MAGI2: variants seen among roughly 807,000 people sequenced by gnomAD.
MAGI2 encodes the protein membrane associated guanylate kinase, WW and PDZ domain containing 2.
A neutral mutation model predicts 133.3 loss-of-function variants in MAGI2; 35 were observed. The observed-to-expected ratio is 0.26, with a 90% CI of 0.20 to 0.35. The LOEUF is 0.35. Ranked by LOEUF, MAGI2 falls within the 10% of genes least tolerant of loss-of-function variation. The pLI is 1.00. For missense variants in MAGI2, 1,636 were observed against 1,863.4 expected, an observed-to-expected ratio of 0.88 and a Z score of 2.25; for synonymous variants, 729 against 710.6, an observed-to-expected ratio of 1.03 and a Z score of -0.41.
At chr7:78,622,019 T>G (rs931351873) in intron 3 of MAGI2, among the ~76,000 whole-genome samples, 1 of 152,042 alleles carries the variant, frequency 6.6e-6, no homozygotes, top group Non-Finnish European at 1.5e-5. Flanking sequence ...CAGCTTAAAC[T>G]AGACATTTTA....
intron 1 of MAGI2, among the ~76,000 whole-genome samples, chr7:79,243,586 A>G (rs1832586430): frequency 6.6e-6 from 1 of 152,200 alleles, no homozygotes. Flanking sequence ...AATGCTGGAA[A>G]AAAGAATTTT....
chr7:79,285,745 A>T (rs1023543010), intron 1 of MAGI2, among the ~76,000 whole-genome samples: 1 of 152,132 alleles, frequency 6.6e-6, no homozygotes. Context: ...ACAATGTTAG[A>T]GAAGAATGAA....
intron 2 of MAGI2, among the ~76,000 whole-genome samples, chr7:78,897,920 C>T (rs1230038400): frequency 6.6e-6 from 1 of 152,040 alleles, no homozygotes; most frequent in Non-Finnish European, 1.5e-5. Context: ...CAGGGTGGGA[C>T]AAAATATTTG....
intron 2 of MAGI2, among the ~76,000 whole-genome samples, chr7:78,718,093 C>A (rs1031078407): frequency 6.6e-6 from 1 of 152,134 alleles, no homozygotes; most frequent in African/African-American, 2.4e-5. Flanking sequence ...TATTAGAGCA[C>A]CAGCTAATTC....
intron 3 of MAGI2, among the ~76,000 whole-genome samples, chr7:78,526,330 C>T (rs6956948): frequency 0.037 from 5,678 of 152,216 alleles, 176 homozygotes; most frequent in African/African-American, 0.072. Context: ...AATTTTTTTC[C>T]ATCCAGTCCT....
chr7:78,938,817 T>C (rs1446763347), intron 2 of MAGI2, among the ~76,000 whole-genome samples: 1 of 152,176 alleles, frequency 6.6e-6, no homozygotes, highest in Non-Finnish European at 1.5e-5. Flanking sequence ...ACATTGTCTT[T>C]GCCTTTATTG....
rs756797155 is a variant in MAGI2, at chr7:78,489,754, A to T, written c.1045+7T>A. The T allele has an allele frequency of 6.2e-7, 1 of 1,605,538 alleles. No individual in the cohort carries two copies. Among genetic ancestry groups the T allele is most frequent in the African/African-American group, 1.3e-5 (1 of 74,570 alleles). On this transcript the variant is annotated splice_region_variant and intron_variant, in intron 6 of 21. Transcript: ENST00000354212. ...TGCTGAAACACCATAAAAACTTAAT[A>T]ACCTACCATTTTCTTTGCACTCTTC...
At chr7:78,396,118 T>G (rs1446185336) in intron 6 of MAGI2, among the ~76,000 whole-genome samples, 3 of 152,096 alleles carry the variant, frequency 2.0e-5, no homozygotes, top group Non-Finnish European at 2.9e-5. Context: ...TTGGAGAGGG[T>G]GCACCTGTAG....
intron 9 of MAGI2, among the ~76,000 whole-genome samples, chr7:78,294,668 A>ATCAG (rs1797052397): frequency 7.7e-6 from 1 of 129,574 alleles, no homozygotes; most frequent in African/African-American, 4.1e-5. Flanking sequence ...AATGCCATCT[A>ATCAG]TCAGCAAATT....
intron 9 of MAGI2, among the ~76,000 whole-genome samples, chr7:78,325,041 G>A (rs1473114960): frequency 6.6e-6 from 1 of 152,134 alleles, no homozygotes; most frequent in African/African-American, 2.4e-5. Context: ...TCATCTATTT[G>A]TGCTTGTTCT....
rs1014170782 is a variant in MAGI2, at chr7:79,453,445, C to G, written c.-125G>C. The G allele has an allele frequency of 1.3e-6, 2 of 1,489,284 alleles. No individual in the cohort carries two copies. Among genetic ancestry groups the G allele is most frequent in the African/African-American group, 1.4e-5 (1 of 71,298 alleles). 92.3% of individuals were successfully genotyped at this position (1,489,284 alleles called of 1,614,324 possible). ...AACAGCAGACTTTGCCTTCGCCCCCCTCTATTCGGTGCTTTCCCTCTTCTT... is the reference window on the plus strand; with the variant it reads ...AACAGCAGACTTTGCCTTCGCCCCCGTCTATTCGGTGCTTTCCCTCTTCTT... On this transcript the variant is annotated 5_prime_UTR_variant, in exon 1 of 22. Transcript: ENST00000354212.
rs1584942456 is a variant in MAGI2, at chr7:78,643,197, A to G, written c.419-15958T>C. Among the ~76,000 whole-genome samples the G allele has an allele frequency of 5.3e-5, 8 of 152,344 alleles. No individual in the cohort carries two copies. The South Asian group carries it at 1.7e-3, about 32-fold the overall frequency. ...CAGAGGGAAGTAAGATAGTCTCTAA[A>G]GTGTTGTCAAGTTAGAGTAAGGATA... is the stretch of plus-strand genomic sequence containing the variant. On this transcript the variant is annotated intron_variant, in intron 2 of 21. Transcript: ENST00000354212.
intron 6 of MAGI2, among the ~76,000 whole-genome samples, chr7:78,432,254 T>C (rs1799867581): frequency 6.6e-6 from 1 of 151,200 alleles, no homozygotes. Context: ...CCAAAAACAA[T>C]TTATACTTGG....
At chr7:78,339,229 G>C (rs1027738729) in intron 9 of MAGI2, among the ~76,000 whole-genome samples, 1 of 152,216 alleles carries the variant, frequency 6.6e-6, no homozygotes, top group African/African-American at 2.4e-5. Flanking sequence ...TGAAGGCTCA[G>C]CAAGTTAAAT....
At chr7:79,095,431 C>T (rs561470463) in intron 1 of MAGI2, among the ~76,000 whole-genome samples, 6 of 152,310 alleles carry the variant, frequency 3.9e-5, no homozygotes, top group Middle Eastern at 6.8e-3. Flanking sequence ...TTGATGCAAG[C>T]GGACTAGCTT....
At chr7:79,039,205 G>A (rs1005515535) in intron 1 of MAGI2, among the ~76,000 whole-genome samples, 2 of 151,936 alleles carry the variant, frequency 1.3e-5, no homozygotes, top group Admixed American at 6.6e-5. Flanking sequence ...CCCCACCTTC[G>A]CTCTGCACTT....
chr7:79,289,967 T>A (rs1836335752), intron 1 of MAGI2, among the ~76,000 whole-genome samples: 1 of 152,092 alleles, frequency 6.6e-6, no homozygotes, highest in South Asian at 2.1e-4. Flanking sequence ...TTGGGTGGGA[T>A]TCCAGCTCTT....
chr7:79,141,057 AG>A (rs1264705759), intron 1 of MAGI2, among the ~76,000 whole-genome samples: 4 of 152,212 alleles, frequency 2.6e-5, no homozygotes, highest in African/African-American at 9.6e-5. Flanking sequence ...GTTGTTTATA[AG>A]TACTTGGACA....
chr7:78,587,729 T>C lies in MAGI2; in HGVS notation c.538+39391A>G, dbSNP rs533809251. 2.6e-5 allele frequency among the ~76,000 whole-genome samples: 4 copies of C among 152,320 alleles called. 1 individual carries two copies. The South Asian group carries it at 8.3e-4, about 32-fold the overall frequency. ...CTGGATTTCAACTGTAGAGAGCAAA[T>C]ACTCGGCCGTAGCACATAAAACCTT... On this transcript the variant is annotated intron_variant, in intron 3 of 21. Transcript: ENST00000354212.
Sources: allele counts gnomAD v4.1 joint callset (sites outside exome capture counted in the v4.1 genomes callset), GRCh38; gene constraint gnomAD v4.1.1; transcripts MANE v1.5; gene names NCBI Gene and HGNC (gene_info 2026-07-23, HGNC 2026-07-21).